Variants in PTGR1 observed in about 807,000 individuals in gnomAD.
The protein encoded by PTGR1 is prostaglandin reductase 1.
Under a neutral mutation model 37.7 loss-of-function variants are expected in PTGR1, and 23 were observed. The ratio of observed to expected loss-of-function variants is 0.61; its 90% CI spans 0.44 to 0.86. PTGR1 has a LOEUF of 0.86. PTGR1 is among the 40% of genes least tolerant of loss of function. The pLI is 0.00. For synonymous variants in PTGR1, 134 were observed against 140.0 expected (o/e 0.96, Z 0.30); for missense variants, 351 against 394.3 (o/e 0.89, Z 0.93).
chr9:111,568,731 CCT>C (rs1403744053), intron 9 of PTGR1, among the ~76,000 whole-genome samples: 1 of 152,180 alleles, frequency 6.6e-6, no homozygotes, highest in Non-Finnish European at 1.5e-5. Context: ...CTGTAAAATT[CCT>C]CTCTTTGTAC....
At chr9:111,586,299 C>G (rs1051294037) in intron 4 of PTGR1, 134 bp from the exon 5 acceptor site, 6 of 841,974 alleles carry the variant, frequency 7.1e-6, no homozygotes, top group Non-Finnish European at 1.1e-5. Context: ...TCCACCACCC[C>G]TCTCCATCTT....
At chr9:111,598,481 T>A (rs981402071) in intron 1 of PTGR1, among the ~76,000 whole-genome samples, 1 of 152,096 alleles carries the variant, frequency 6.6e-6, no homozygotes, top group Non-Finnish European at 1.5e-5. Flanking sequence ...GGTTGTTCCT[T>A]CTTTTCTTTT....
chr9:111,580,545 C>CATTTTGTGTAAGGGCGCAGACTGCT (rs1564618124), intron 6 of PTGR1, among the ~76,000 whole-genome samples: 17 of 152,026 alleles, frequency 1.1e-4, no homozygotes, highest in African/African-American at 4.1e-4. Flanking sequence ...CACCGGAGGT[C>CATTTTGTGTAAGGGCGCAGACTGCT]GGGAGTTCGA....
intron 9 of PTGR1, among the ~76,000 whole-genome samples, chr9:111,551,400 G>GTTTT (rs58638722): frequency 0.018 from 1,336 of 73,944 alleles, 1 homozygote; most frequent in Middle Eastern, 0.048. Flanking sequence ...TCCAGTTTTT[G>GTTTT]TTTTTTTTTT....
intron 5 of PTGR1, among the ~76,000 whole-genome samples, chr9:111,583,991 C>A (rs1829357808): frequency 6.6e-6 from 1 of 152,218 alleles, no homozygotes; most frequent in African/African-American, 2.4e-5. Context: ...GACATAGCCA[C>A]AGAGTAGCTA....
intron 1 of PTGR1, among the ~76,000 whole-genome samples, chr9:111,597,788 T>C (rs1180072298): frequency 6.6e-6 from 1 of 152,218 alleles, no homozygotes; most frequent in African/African-American, 2.4e-5. Context: ...TCTACGGCAC[T>C]GAACAGTTAC....
intron 2 of PTGR1, among the ~76,000 whole-genome samples, chr9:111,596,797 C>A (rs185636428): frequency 6.6e-6 from 1 of 150,884 alleles, no homozygotes; most frequent in South Asian, 2.1e-4. Context: ...CATGGTGGCG[C>A]ACACCTGTAA....
intron 2 of PTGR1, 72 bp downstream of exon 2, chr9:111,597,245 G>A (rs946727773): frequency 1.0e-5 from 12 of 1,155,238 alleles, no homozygotes; most frequent in Non-Finnish European, 1.5e-5. Context: ...AAACTTTGGG[G>A]TAGTTTGTTA....
rs79125485 is a variant in PTGR1 at position 111,573,977 on chromosome 9, G to T, written c.760+757C>A. Among the ~76,000 whole-genome samples the T allele has an allele frequency of 1.3e-3, 193 of 152,244 alleles. 1 individual carries two copies. Among genetic ancestry groups the T allele is most frequent in the Non-Finnish European group, 2.3e-3 (156 of 68,000 alleles). ...GCTCCCTTCCCTTTTAGTGGCAATT[G>T]TCAGCCTGCTGAGGCCAAGACGCCC... On this transcript the variant is annotated intron_variant, in intron 8 of 9. Transcript: ENST00000407693.
chr9:111,593,479 T>C (rs1829682929), intron 3 of PTGR1, among the ~76,000 whole-genome samples: 1 of 152,222 alleles, frequency 6.6e-6, no homozygotes, highest in African/African-American at 2.4e-5. Flanking sequence ...GAGGACTTAG[T>C]AGTCAATAAA....
At chr9:111,594,489 T>G (rs1167595440) in intron 2 of PTGR1, among the ~76,000 whole-genome samples, 2 of 148,378 alleles carry the variant, frequency 1.3e-5, no homozygotes. Flanking sequence ...CCCCTAAAAC[T>G]AACATAAATG....
At chr9:111,562,133 A>G (rs1226745523), downstream of PTGR1, among the ~76,000 whole-genome samples, 1 of 152,100 alleles carries the variant, frequency 6.6e-6, no homozygotes, top group African/African-American at 2.4e-5. Context: ...TCCGCCTCCA[A>G]AAGTGCTGGG....
chr9:111,583,711 T>A (rs906946131), intron 5 of PTGR1, 122 bp from the exon 6 acceptor site: 2 of 733,334 alleles, frequency 2.7e-6, no homozygotes, highest in African/African-American at 3.5e-5. Context: ...AAGACAAAAA[T>A]ATGGAAATAA....
At chr9:111,593,074 G>T in intron 3 of PTGR1, 92 bp from the exon 4 acceptor site, 1 of 1,460,688 alleles carries the variant, frequency 6.8e-7, no homozygotes, top group South Asian at 1.4e-5. Context: ...GGACTGTTTT[G>T]AGTTTCAAGC....
chr9:111,561,139 GAGAGAGAGGGAGA>G (rs1564608044), downstream of PTGR1, among the ~76,000 whole-genome samples: 37 of 15,556 alleles, frequency 2.4e-3, no homozygotes, highest in African/African-American at 0.014. Context: ...AGAGAGAGAG[GAGAGAGAGGGAGA>G]GAGAGAGAGA....
chr9:111,571,929 C>T lies in PTGR1; in HGVS notation c.761-1720G>A, dbSNP rs548290916. 1.2e-4 allele frequency among the ~76,000 whole-genome samples: 19 copies of T among 152,294 alleles called. No individual in the cohort carries two copies. The South Asian group carries it at 3.9e-3, about 32-fold the overall frequency. On this transcript the variant is annotated intron_variant, in intron 8 of 9. Transcript: ENST00000407693. ...CTGCAGCCTGTAAAGAAGATACTACCCTTCTGCGTGTAAGGAAGAAAAAGT... is the reference window on the plus strand; with the variant it reads ...CTGCAGCCTGTAAAGAAGATACTACTCTTCTGCGTGTAAGGAAGAAAAAGT...
At chr9:111,594,322 A>T in intron 2 of PTGR1, 55 bp from the exon 3 acceptor site, 1 of 1,475,898 alleles carries the variant, frequency 6.8e-7, no homozygotes, top group East Asian at 2.3e-5. Context: ...GAGAGGAACA[A>T]TAGACACTGA....
At chr9:111,579,091 T>C in intron 6 of PTGR1, 140 bp from the exon 7 acceptor site, 3 of 780,862 alleles carry the variant, frequency 3.8e-6, no homozygotes, top group Non-Finnish European at 5.8e-6. Context: ...AATACCATAA[T>C]GGGCCAACAG....
intron 9 of PTGR1, among the ~76,000 whole-genome samples, chr9:111,556,453 C>T (rs1350583067): frequency 1.2e-4 from 18 of 152,242 alleles, no homozygotes; most frequent in Admixed American, 9.8e-4. Flanking sequence ...TCTGCACTGC[C>T]GTAGTAGAGG....
Sources: gnomAD v4.1 joint callset for allele counts (sites outside exome capture counted in the v4.1 genomes callset) on GRCh38, gnomAD v4.1.1 for gene constraint, MANE v1.5 for transcripts, NCBI Gene and HGNC (gene_info 2026-07-23, HGNC 2026-07-21) for gene names.